Variants in CCDC171 observed in about 807,000 individuals in gnomAD.
CCDC171 encodes coiled-coil domain-containing protein 171.
A neutral mutation model predicts 168.2 loss-of-function variants in CCDC171; 177 were observed. The observed-to-expected ratio is 1.05, with a 90% CI of 0.93 to 1.19. The LOEUF (loss-of-function observed/expected upper bound fraction) is 1.19. CCDC171 is among the 50% of genes most tolerant of loss of function. The pLI is 0.00. For missense variants in CCDC171, 1,991 were observed against 1,539.0 expected (o/e 1.29, Z -4.91); for synonymous variants, 687 against 540.8 (o/e 1.27, Z -3.75).
In CCDC171 at chr9:15,727,909, T is replaced by G. The variant is rs2053916800; in HGVS notation, c.1733T>G (p.Val578Gly). The change falls in exon 15 of 26, where the codon GTA (valine) becomes GGA (glycine). Residue 578 changes from valine to glycine, a missense_variant. Physicochemically the swap from Val to Gly is moderately radical, Grantham distance 109. Coordinates refer to ENST00000380701, the MANE Select transcript of CCDC171 (RefSeq NM_173550.4). ...CTTCACACCTTATATCAGCACTTGG[T>G]AGCAGGCTGTGTGCTCATAAAACAA... ...TFLHTLYQHL[V>G]AGCVLIKQPE... 1 of 1,613,188 alleles carries G rather than the reference T, an allele frequency of 6.2e-7. No homozygotes were observed. Among genetic ancestry groups the G allele is most frequent in the African/African-American group, 1.3e-5 (1 of 74,866 alleles).
At chr9:15,646,418 A>G (rs929452119) in intron 7 of CCDC171, among the ~76,000 whole-genome samples, 74 of 152,356 alleles carry the variant, frequency 4.9e-4, no homozygotes, top group Non-Finnish European at 9.6e-4. Flanking sequence ...CTTTAAATGT[A>G]AATGGGCTAA....
At chr9:15,912,021 G>A (rs970716606) in intron 24 of CCDC171, among the ~76,000 whole-genome samples, 1 of 152,104 alleles carries the variant, frequency 6.6e-6, no homozygotes, top group Admixed American at 6.5e-5. Context: ...AGATTGTCTT[G>A]GCTGTACAGG....
chr9:15,855,514 T>G (rs2061317270), intron 23 of CCDC171, among the ~76,000 whole-genome samples: 1 of 151,808 alleles, frequency 6.6e-6, no homozygotes. Flanking sequence ...ACTTCTGACT[T>G]TCAATTGGAT....
intron 1 of CCDC171, among the ~76,000 whole-genome samples, chr9:16,046,285 G>A (rs1252680714): frequency 6.6e-6 from 1 of 152,078 alleles, no homozygotes; most frequent in African/African-American, 2.4e-5. Context: ...GGAACTGAGG[G>A]TTTCAGAGGA....
intron 4 of CCDC171, among the ~76,000 whole-genome samples, chr9:16,021,174 G>C (rs539886920): frequency 6.6e-6 from 1 of 152,046 alleles, no homozygotes; most frequent in Non-Finnish European, 1.5e-5. Context: ...TGCAACCTCC[G>C]CCTCCGGGGT....
intron 4 of CCDC171, among the ~76,000 whole-genome samples, chr9:15,588,001 C>T (rs2041695865): frequency 6.6e-6 from 1 of 152,130 alleles, no homozygotes; most frequent in African/African-American, 2.4e-5. Context: ...CTTTGGGAGG[C>T]CGAGGCAGGT....
At chr9:15,648,655 C>G (rs569571171) in intron 7 of CCDC171, among the ~76,000 whole-genome samples, 1 of 152,182 alleles carries the variant, frequency 6.6e-6, no homozygotes, top group Non-Finnish European at 1.5e-5. Flanking sequence ...ACAGTTGCTA[C>G]AAATAGAATA....
chr9:15,935,430 G>A (rs1564024956), intron 25 of CCDC171, among the ~76,000 whole-genome samples: 1 of 152,014 alleles, frequency 6.6e-6, no homozygotes, highest in African/African-American at 2.4e-5. Flanking sequence ...TTCCCTGTCA[G>A]CTTTAAAATT....
intron 1 of CCDC171, among the ~76,000 whole-genome samples, chr9:15,554,754 G>GA (rs1343471894): frequency 6.6e-6 from 1 of 152,178 alleles, no homozygotes; most frequent in Non-Finnish European, 1.5e-5. Flanking sequence ...ACTGCGTAGT[G>GA]AAAGAGGATG....
At chr9:15,556,436 C>T (rs2038803886) in intron 1 of CCDC171, among the ~76,000 whole-genome samples, 1 of 152,170 alleles carries the variant, frequency 6.6e-6, no homozygotes, top group African/African-American at 2.4e-5. Flanking sequence ...GCCATTCTAA[C>T]TGGTGTGAGA....
chr9:15,646,945 T>C (rs2047088335), intron 7 of CCDC171, among the ~76,000 whole-genome samples: 1 of 152,158 alleles, frequency 6.6e-6, no homozygotes, highest in African/African-American at 2.4e-5. Flanking sequence ...CAACAGAATA[T>C]ACATTCTTCT....
intron 23 of CCDC171, among the ~76,000 whole-genome samples, chr9:15,863,644 C>A (rs750610474): frequency 2.0e-5 from 3 of 151,804 alleles, no homozygotes; most frequent in Non-Finnish European, 4.4e-5. Flanking sequence ...GTTCCTTGTA[C>A]ATGGTTTTCT....
chr9:15,678,476 G>A (rs146594059), intron 9 of CCDC171, among the ~76,000 whole-genome samples: 256 of 152,180 alleles, frequency 1.7e-3, no homozygotes, highest in African/African-American at 4.7e-3. Context: ...GGTTTTGCTC[G>A]TCAAAAATGA....
chr9:15,988,725 C>T (rs1832083347), intron 3 of CCDC171, among the ~76,000 whole-genome samples: 1 of 152,200 alleles, frequency 6.6e-6, no homozygotes, highest in Non-Finnish European at 1.5e-5. Context: ...GGGTCACTCC[C>T]ACCCTAATAC....
chr9:15,728,002 C>A lies in CCDC171; in HGVS notation c.1826C>A (p.Ala609Asp). Residue 609 changes from alanine (A) to aspartate (D), a missense_variant, in exon 15 of 26, where the codon GCC becomes GAC. Physicochemically the swap from Ala to Asp is moderately radical, Grantham distance 126. Coordinates refer to ENST00000380701, the MANE Select transcript of CCDC171 (RefSeq NM_173550.4). ...LCAVLQENVD[A>D]LIADLNRANE... ...GCAGTCTTACAGGAGAATGTTGATG[C>A]CCTGATTGCAGACCTCAACAGGGCT... The A allele has an allele frequency of 6.2e-7, 1 of 1,612,814 alleles. No homozygotes were observed. Among genetic ancestry groups the A allele is most frequent in the Non-Finnish European group, 8.5e-7 (1 of 1,179,312 alleles).
At chr9:15,902,028 C>T (rs1477275433) in intron 24 of CCDC171, among the ~76,000 whole-genome samples, 1 of 152,100 alleles carries the variant, frequency 6.6e-6, no homozygotes, top group Non-Finnish European at 1.5e-5. Flanking sequence ...GGTTACAAAT[C>T]TGTAGAACTT....
At chr9:15,654,500 T>C (rs2047768840) in intron 7 of CCDC171, among the ~76,000 whole-genome samples, 2 of 152,270 alleles carry the variant, frequency 1.3e-5, no homozygotes. Flanking sequence ...TAGTCATTTC[T>C]AAGTTATTCA....
At chr9:15,701,830 C>T (rs2051773468) in intron 11 of CCDC171, among the ~76,000 whole-genome samples, 1 of 152,164 alleles carries the variant, frequency 6.6e-6, no homozygotes, top group South Asian at 2.1e-4. Context: ...TTCCAAATTC[C>T]TGTGACATAT....
At chr9:15,793,336 G>GTA (rs1161751289) in intron 21 of CCDC171, among the ~76,000 whole-genome samples, 1 of 151,876 alleles carries the variant, frequency 6.6e-6, no homozygotes, top group Non-Finnish European at 1.5e-5. Flanking sequence ...AGTCCTTAGA[G>GTA]ACCTACAAAG....
Sources: allele counts gnomAD v4.1 joint callset (sites outside exome capture counted in the v4.1 genomes callset), GRCh38; gene constraint gnomAD v4.1.1; transcripts MANE v1.5; gene names NCBI Gene and HGNC (gene_info 2026-07-23, HGNC 2026-07-21).